NSD1: variants seen among roughly 807,000 people sequenced by gnomAD.
NSD1 encodes nuclear receptor binding SET domain protein 1.
In NSD1, 26 loss-of-function variants were observed where a neutral mutation model predicts 242.7. That is an observed-to-expected ratio of 0.11 (90% CI 0.08 to 0.15). The LOEUF (loss-of-function observed/expected upper bound fraction) is 0.15, where lower values mean the gene tolerates loss of function less well. NSD1 is among the 10% of genes least tolerant of loss of function. NSD1 has a pLI of 1.00. For missense variants in NSD1, 2,495 were observed against 3,272.8 expected (o/e 0.76, Z 5.80); for synonymous variants, 1,106 against 1,178.1 (o/e 0.94, Z 1.25).
intron 2 of NSD1, among the ~76,000 whole-genome samples, chr5:177,157,892 G>A (rs1758266103): frequency 6.6e-6 from 1 of 152,076 alleles, no homozygotes; most frequent in African/African-American, 2.4e-5. Flanking sequence ...GTTTAACTTA[G>A]CATAATGTTT....
intron 2 of NSD1, among the ~76,000 whole-genome samples, chr5:177,191,422 T>G (rs1758140024): frequency 6.6e-6 from 1 of 152,188 alleles, no homozygotes; most frequent in South Asian, 2.1e-4. Flanking sequence ...AATACGCTAA[T>G]AGAAATATTG....
chr5:177,152,696 C>A (rs1757825068), intron 2 of NSD1, among the ~76,000 whole-genome samples: 1 of 151,202 alleles, frequency 6.6e-6, no homozygotes, highest in Non-Finnish European at 1.5e-5. Context: ...GATCTCCTGA[C>A]CTTGTGATCC....
chr5:177,234,987 A>G (rs1044783114), intron 5 of NSD1, among the ~76,000 whole-genome samples: 3 of 152,230 alleles, frequency 2.0e-5, no homozygotes, highest in African/African-American at 7.2e-5. Flanking sequence ...CAGCTGATAC[A>G]TGTATTCTCG....
intron 2 of NSD1, among the ~76,000 whole-genome samples, chr5:177,160,268 G>GAGC (rs1288539006): frequency 6.6e-6 from 1 of 152,046 alleles, no homozygotes; most frequent in African/African-American, 2.4e-5. Context: ...ACCCTTGAAT[G>GAGC]AGCTTTACTT....
At chr5:177,246,870 T>C (rs1460322627) in intron 10 of NSD1, 74 bp downstream of exon 10, 1 of 1,059,532 alleles carries the variant, frequency 9.4e-7, no homozygotes, top group Non-Finnish European at 1.5e-6. Flanking sequence ...CATCCCTCTT[T>C]CCCTTGAGTT....
chr5:177,159,362 G>A (rs896869853), intron 2 of NSD1, among the ~76,000 whole-genome samples: 11 of 151,118 alleles, frequency 7.3e-5, no homozygotes, highest in Non-Finnish European at 1.5e-4. Context: ...TTGGCTCCCT[G>A]TAACCCATCT....
At position 177,276,329 on chromosome 5, in the gene NSD1, T is replaced by G. The variant is rs117182805; in HGVS notation, c.5622+2545T>G. Among the ~76,000 whole-genome samples, 45 of 152,164 alleles carry G rather than the reference T, an allele frequency of 3.0e-4. No homozygotes were observed. In the East Asian group the frequency reaches 7.7e-3, roughly 26 times the overall value. On this transcript the variant is annotated intron_variant, in intron 17 of 22. Transcript: ENST00000439151. ...TAAACACTGCTTCTGAAGTCTTTTTTTTTTTTTCCCCCTGAGACAGAGTCT... is the reference window on the plus strand; with the variant it reads ...TAAACACTGCTTCTGAAGTCTTTTTGTTTTTTTCCCCCTGAGACAGAGTCT...
At chr5:177,259,626 G>T (rs1056025668) in intron 13 of NSD1, among the ~76,000 whole-genome samples, 1 of 152,178 alleles carries the variant, frequency 6.6e-6, no homozygotes, top group Non-Finnish European at 1.5e-5. Flanking sequence ...AGAGAGGTTC[G>T]TTCACTTGAA....
Position 177,252,244 on chromosome 5 carries a change from T to G in NSD1, c.4765+391T>G, listed in dbSNP as rs1014675043. 2.1e-4 allele frequency among the ~76,000 whole-genome samples: 32 copies of G among 152,128 alleles called. 1 individual carries two copies. Reference sequence around the variant, plus strand: ...TACAGGCCAATGTGTTTATAGAGTTTAGGATATTTTAGGTAAAAGGCATAG... The same window carrying G: ...TACAGGCCAATGTGTTTATAGAGTTGAGGATATTTTAGGTAAAAGGCATAG... On this transcript the variant is annotated intron_variant, in intron 12 of 22. Coordinates refer to ENST00000439151, the MANE Select transcript of NSD1 (RefSeq NM_022455.5).
At chr5:177,176,206 T>A (rs748732796) in intron 2 of NSD1, among the ~76,000 whole-genome samples, 18 of 152,118 alleles carry the variant, frequency 1.2e-4, no homozygotes, top group Non-Finnish European at 2.6e-4. Context: ...TTTCAGTGAC[T>A]TCAGTGTTTT....
intron 2 of NSD1, among the ~76,000 whole-genome samples, chr5:177,147,556 T>C (rs1176160315): frequency 6.6e-6 from 1 of 152,138 alleles, no homozygotes; most frequent in Admixed American, 6.6e-5. Flanking sequence ...AGGGGATTCA[T>C]CTAAGTTGTT....
intron 2 of NSD1, among the ~76,000 whole-genome samples, chr5:177,185,771 A>G (rs1245577819): frequency 7.6e-5 from 5 of 65,688 alleles, no homozygotes; most frequent in African/African-American, 3.0e-4. Flanking sequence ...TTATATATTT[A>G]TATATTATAT....
intron 9 of NSD1, among the ~76,000 whole-genome samples, chr5:177,244,836 G>A (rs1014722964): frequency 2.0e-5 from 3 of 152,204 alleles, no homozygotes; most frequent in Non-Finnish European, 4.4e-5. Flanking sequence ...CTAGCAACAT[G>A]TTAGCTTATT....
intron 2 of NSD1, among the ~76,000 whole-genome samples, chr5:177,189,755 T>A (rs1761519869): frequency 6.6e-6 from 1 of 152,212 alleles, no homozygotes; most frequent in Non-Finnish European, 1.5e-5. Flanking sequence ...AAGTTCCATA[T>A]TTAGCAGTGC....
intron 5 of NSD1, among the ~76,000 whole-genome samples, chr5:177,222,188 G>A (rs1764291577): frequency 6.6e-6 from 1 of 152,112 alleles, no homozygotes; most frequent in Non-Finnish European, 1.5e-5. Context: ...GAGTGCAGTG[G>A]CACGATCTTG....
chr5:177,270,878 GCTGT>G (rs1235166240), intron 16 of NSD1, among the ~76,000 whole-genome samples: 25 of 152,126 alleles, frequency 1.6e-4, no homozygotes, highest in Non-Finnish European at 3.2e-4. Context: ...ATAGATATGG[GCTGT>G]CTATCAGTTC....
intron 2 of NSD1, among the ~76,000 whole-genome samples, chr5:177,180,536 A>C (rs1209495860): frequency 6.7e-6 from 1 of 149,998 alleles, no homozygotes; most frequent in Non-Finnish European, 1.5e-5. Context: ...GATTACAGGC[A>C]TGAGCCACTG....
intron 3 of NSD1, among the ~76,000 whole-genome samples, chr5:177,201,816 C>T (rs1762528243): frequency 1.3e-5 from 2 of 151,694 alleles, no homozygotes; most frequent in East Asian, 2.0e-4. Context: ...GCCTCAGCCT[C>T]CCAAAGGGCT....
intron 17 of NSD1, among the ~76,000 whole-genome samples, chr5:177,277,841 T>C (rs1302827432): frequency 1.3e-5 from 2 of 152,178 alleles, no homozygotes; most frequent in Non-Finnish European, 2.9e-5. Flanking sequence ...TAAGACCCTG[T>C]CTCAAAACAA....
Sources: gnomAD v4.1 joint callset for allele counts (sites outside exome capture counted in the v4.1 genomes callset) on GRCh38, gnomAD v4.1.1 for gene constraint, MANE v1.5 for transcripts, NCBI Gene and HGNC (gene_info 2026-07-23, HGNC 2026-07-21) for gene names.